Variants in GLS observed in about 807,000 individuals in gnomAD.
GLS encodes the protein glutaminase kidney isoform, mitochondrial.
Under a neutral mutation model 86.7 loss-of-function variants are expected in GLS, and 36 were observed. The ratio of observed to expected loss-of-function variants is 0.42; its 90% CI spans 0.32 to 0.55. The LOEUF is 0.55. Among genes scored for constraint, GLS ranks in the 20% least tolerant of loss-of-function variants. The pLI is 0.17. For missense variants in GLS, 528 were observed against 833.4 expected, an observed-to-expected ratio of 0.63 and a Z score of 4.51; for synonymous variants, 317 against 305.9, an observed-to-expected ratio of 1.04 and a Z score of -0.38.
chr2:190,962,173 T>C lies in GLS; in HGVS notation c.1854-657T>C, dbSNP rs1278482571. Among the ~76,000 whole-genome samples, 2 of 152,196 alleles carry C rather than the reference T, an allele frequency of 1.3e-5. No individual in the cohort carries two copies. The highest frequency in any genetic ancestry group is 4.8e-5 in the African/African-American group (2 of 41,448). ...CCTTGAATATTCATCTACATCACTC[T>C]AAACAGCACAGCCCCAGAAGCATGG... is the stretch of plus-strand genomic sequence containing the variant. On this transcript the variant is annotated intron_variant, in intron 17 of 17. Coordinates refer to ENST00000320717, the MANE Select transcript of GLS (RefSeq NM_014905.5). This position sits in a 1 kb window ranked among gnomAD's most constrained non-coding sequence, Gnocchi z 4.2.
intron 7 of GLS, among the ~76,000 whole-genome samples, chr2:190,910,549 T>C (rs1188980009): frequency 6.6e-6 from 1 of 151,860 alleles, no homozygotes; most frequent in Non-Finnish European, 1.5e-5. Context: ...AACAGTCATT[T>C]ACTCTTGACT....
At chr2:190,918,755 T>G (rs1166446305) in intron 7 of GLS, among the ~76,000 whole-genome samples, 1 of 152,166 alleles carries the variant, frequency 6.6e-6, no homozygotes, top group Non-Finnish European at 1.5e-5. Flanking sequence ...AAGTGAGAGA[T>G]ATACAACTCT....
chr2:190,886,537 A>G (rs993167069), intron 1 of GLS, among the ~76,000 whole-genome samples: 8 of 152,218 alleles, frequency 5.3e-5, no homozygotes, highest in Admixed American at 1.3e-4. Context: ...GAGGGGGGGC[A>G]CTATTTTAGT....
At chr2:190,912,731 C>T (rs1689404987) in intron 7 of GLS, among the ~76,000 whole-genome samples, 1 of 152,116 alleles carries the variant, frequency 6.6e-6, no homozygotes, top group Non-Finnish European at 1.5e-5. Context: ...CCATATTTAA[C>T]GTAGGTGTTT....
chr2:190,932,130 T>C (rs953997716), intron 14 of GLS, among the ~76,000 whole-genome samples: 4 of 152,004 alleles, frequency 2.6e-5, no homozygotes, highest in Non-Finnish European at 5.9e-5. Context: ...CTCAAAAGTT[T>C]TATAAGTCAC....
chr2:190,943,117 T>C lies in GLS; in HGVS notation c.1651-10448T>C, dbSNP rs891176734. ...TGGACACAATACTACCTTTAACAAA[T>C]AGAGGTTCTGTTAGTATGGAAGGGG... On this transcript the variant is annotated intron_variant, in intron 14 of 17. Coordinates refer to ENST00000320717, the MANE Select transcript of GLS (RefSeq NM_014905.5). The surrounding 1 kb of genome is among the most constrained non-coding windows in gnomAD (Gnocchi z 4.5). Among the ~76,000 whole-genome samples, 1 of 152,220 alleles carries C rather than the reference T, an allele frequency of 6.6e-6. No homozygotes were observed. The highest frequency in any genetic ancestry group is 1.5e-5 in the Non-Finnish European group (1 of 68,038).
intron 13 of GLS, 28 bp from the exon 14 acceptor site, chr2:190,931,517 T>C (rs748128059): frequency 1.9e-6 from 2 of 1,043,000 alleles, no homozygotes; most frequent in Non-Finnish European, 2.9e-6. Flanking sequence ...GCCAATTTCT[T>C]ATACCTGCTC....
intron 1 of GLS, among the ~76,000 whole-genome samples, chr2:190,893,802 C>T (rs533846701): frequency 1.3e-5 from 2 of 152,274 alleles, no homozygotes; most frequent in East Asian, 3.9e-4. Context: ...CCAGGCTGAT[C>T]TCGAACTCCT....
At chr2:190,885,157 G>A (rs1049809121) in intron 1 of GLS, among the ~76,000 whole-genome samples, 4 of 152,068 alleles carry the variant, frequency 2.6e-5, no homozygotes. Flanking sequence ...GGACAATGAA[G>A]GGCAAAGAAA....
At chr2:190,887,256 C>A (rs185163499) in intron 1 of GLS, among the ~76,000 whole-genome samples, 16 of 152,302 alleles carry the variant, frequency 1.1e-4, no homozygotes, top group African/African-American at 3.1e-4. Context: ...ACCCTGAAAT[C>A]TACTCAGGTG....
intron 3 of GLS, among the ~76,000 whole-genome samples, chr2:190,898,475 G>A (rs2124833183): frequency 1.3e-5 from 2 of 152,270 alleles, no homozygotes; most frequent in Non-Finnish European, 2.9e-5. Flanking sequence ...TGTTTGGAAT[G>A]GTGATCGGTA....
At chr2:190,896,163 T>C (rs1574567717) in intron 3 of GLS, 1 of 152,774 alleles carries the variant, frequency 6.5e-6, no homozygotes, top group African/African-American at 2.4e-5. Context: ...CATACCTGCA[T>C]TGTCTGCTCC....
chr2:190,961,705 T>TTTG (rs33972110), intron 17 of GLS, among the ~76,000 whole-genome samples: 1 of 151,136 alleles, frequency 6.6e-6, no homozygotes, highest in Admixed American at 6.6e-5. Flanking sequence ...TTTTTTTTTT[T>TTTG]GATAAATACA....
chr2:190,952,802 A>G (rs1052742483), intron 14 of GLS, among the ~76,000 whole-genome samples: 7 of 152,228 alleles, frequency 4.6e-5, no homozygotes, highest in African/African-American at 1.7e-4. Flanking sequence ...TTTCTCATAG[A>G]TAGGGATGGA....
chr2:190,913,083 C>A lies in GLS; in HGVS notation c.1038+2762C>A. 1 of 871,790 alleles carries A rather than the reference C, an allele frequency of 1.1e-6. No homozygotes were observed. The highest frequency in any genetic ancestry group is 1.7e-6 in the Non-Finnish European group (1 of 602,244). The allele number at this position is 871,790 out of a possible 1,614,324, so 54.0% of individuals were successfully genotyped here. A position where few individuals can be genotyped will look rare whatever the true frequency, so the allele number is the denominator to read the frequency against. On this transcript the variant is annotated intron_variant, in intron 7 of 17. Transcript: ENST00000320717. The surrounding 1 kb of genome is among the most constrained non-coding windows in gnomAD (Gnocchi z 6.1). ...CAAAATTCAGGAATTTATCATGGTG[C>A]CATTAAAATCATTTTCTTCATGTTA...
At chr2:190,881,611 C>T in intron 1 of GLS, 141 bp downstream of exon 1, 2 of 807,604 alleles carry the variant, frequency 2.5e-6, no homozygotes, top group African/African-American at 1.8e-5. Context: ...CCTGCGCCGT[C>T]TGCGCCATGT....
intron 3 of GLS, among the ~76,000 whole-genome samples, chr2:190,899,467 G>C (rs922990592): frequency 1.3e-5 from 2 of 151,864 alleles, no homozygotes; most frequent in African/African-American, 2.4e-5. Context: ...GTGAAACCTG[G>C]CTTTTAGCTT....
rs182351120 is a variant in GLS at position 190,905,672 on chromosome 2, T to G, written c.979+505T>G. On this transcript the variant is annotated intron_variant, in intron 6 of 17. Transcript: ENST00000320717. The surrounding 1 kb of genome is among the most constrained non-coding windows in gnomAD (Gnocchi z 4.6). ...ATAACATTAAAAAATTTGAAAGAAA[T>G]GCTTTGTGTTTAATGCTTGGTTAAC... Among the ~76,000 whole-genome samples, 456 of 152,220 alleles carry G rather than the reference T, an allele frequency of 3.0e-3. 8 individuals are homozygous for G. The highest frequency in any genetic ancestry group is 0.01 in the African/African-American group (425 of 41,550).
chr2:190,927,229 C>T, intron 11 of GLS, 77 bp from the exon 12 acceptor site: 1 of 1,049,318 alleles, frequency 9.5e-7, no homozygotes, highest in Non-Finnish European at 1.4e-6. Flanking sequence ...TATGAAATAC[C>T]AAATAAAATA....
Sources: allele counts gnomAD v4.1 joint callset (sites outside exome capture counted in the v4.1 genomes callset), GRCh38; gene constraint gnomAD v4.1.1; non-coding constraint Gnocchi (gnomAD v3.1); transcripts MANE v1.5; gene names NCBI Gene and HGNC (gene_info 2026-07-23, HGNC 2026-07-21).